Variants in PRKG1 observed in about 807,000 individuals in gnomAD.
The protein encoded by PRKG1 is protein kinase cGMP-dependent 1.
A neutral mutation model predicts 88.1 loss-of-function variants in PRKG1; 35 were observed. The observed-to-expected ratio is 0.40, with a 90% CI of 0.30 to 0.53. The LOEUF (loss-of-function observed/expected upper bound fraction) is 0.53. PRKG1 is among the 20% of genes least tolerant of loss of function. PRKG1 has a pLI of 0.59. For synonymous variants in PRKG1, 303 were observed against 292.5 expected (o/e 1.04, Z -0.37); for missense variants, 540 against 839.8 (o/e 0.64, Z 4.41).
chr10:51,639,247 A>T (rs1839732888), intron 3 of PRKG1, among the ~76,000 whole-genome samples: 2 of 151,872 alleles, frequency 1.3e-5, no homozygotes, highest in Admixed American at 1.3e-4. Flanking sequence ...ATCCTGGCTA[A>T]CACGGTGAAA....
At chr10:52,287,749 G>A (rs1842153318) in intron 14 of PRKG1, among the ~76,000 whole-genome samples, 1 of 151,740 alleles carries the variant, frequency 6.6e-6, no homozygotes, top group Non-Finnish European at 1.5e-5. Flanking sequence ...TGAGGGCTGG[G>A]GTATTACATC....
intron 3 of PRKG1, among the ~76,000 whole-genome samples, chr10:51,594,153 A>C (rs1838382016): frequency 6.6e-6 from 1 of 152,084 alleles, no homozygotes; most frequent in Non-Finnish European, 1.5e-5. Flanking sequence ...CCTCCCAAGG[A>C]GGTAGGACTA....
chr10:51,732,244 A>G (rs995050937), intron 3 of PRKG1, among the ~76,000 whole-genome samples: 1 of 151,926 alleles, frequency 6.6e-6, no homozygotes, highest in African/African-American at 2.4e-5. Flanking sequence ...TTTTCTTATA[A>G]AGACATCAAT....
At chr10:52,264,578 A>G (rs1227806940) in intron 10 of PRKG1, among the ~76,000 whole-genome samples, 1 of 152,148 alleles carries the variant, frequency 6.6e-6, no homozygotes, top group Non-Finnish European at 1.5e-5. Context: ...AAAGAGAGCC[A>G]AAACTAAAAA....
chr10:51,774,858 G>A (rs1489961812), intron 3 of PRKG1, among the ~76,000 whole-genome samples: 1 of 152,036 alleles, frequency 6.6e-6, no homozygotes, highest in African/African-American at 2.4e-5. Context: ...ATAAATTAAT[G>A]TGCAAATGGA....
intron 3 of PRKG1, among the ~76,000 whole-genome samples, chr10:51,691,977 G>T (rs1452223178): frequency 6.6e-6 from 1 of 152,058 alleles, no homozygotes; most frequent in Non-Finnish European, 1.5e-5. Flanking sequence ...AATAGATGAG[G>T]ATCTTTTCCT....
Position 51,219,552 on chromosome 10 carries a change from A to G in PRKG1, c.478+66222A>G, listed in dbSNP as rs1218330901. Among the ~76,000 whole-genome samples, 5 of 151,974 alleles carry G rather than the reference A, an allele frequency of 3.3e-5. No homozygotes were observed. In the East Asian group the frequency reaches 9.7e-4, roughly 30 times the overall value. ...GTGAAACCCCGTCTCTACTAAAAAT[A>G]CAAAAAAATTACCCGGGTGTGGTGG... On this transcript the variant is annotated intron_variant, in intron 2 of 17. Transcript: ENST00000373980.
At chr10:51,428,921 G>GCACCACAA (rs1838677292) in intron 2 of PRKG1, among the ~76,000 whole-genome samples, 3 of 152,206 alleles carry the variant, frequency 2.0e-5, no homozygotes, top group Non-Finnish European at 4.4e-5. Flanking sequence ...GACAGCCATT[G>GCACCACAA]TGTGCATTGA....
chr10:51,426,633 A>G (rs566188783), intron 2 of PRKG1, among the ~76,000 whole-genome samples: 2 of 152,306 alleles, frequency 1.3e-5, no homozygotes, highest in East Asian at 3.9e-4. Flanking sequence ...GTAGACAAAA[A>G]TAGATGCAGA....
intron 3 of PRKG1, among the ~76,000 whole-genome samples, chr10:51,717,620 A>G (rs1056996373): frequency 6.6e-6 from 1 of 152,108 alleles, no homozygotes; most frequent in African/African-American, 2.4e-5. Flanking sequence ...TCACAAGGTC[A>G]GGAGATTGAG....
At chr10:52,171,928 G>A (rs957713454) in intron 9 of PRKG1, among the ~76,000 whole-genome samples, 7 of 147,750 alleles carry the variant, frequency 4.7e-5, no homozygotes, top group Non-Finnish European at 8.9e-5. Flanking sequence ...TCAGCCTCCC[G>A]AGTAGCTGGG....
chr10:51,085,630 C>T (rs369624391), intron 1 of PRKG1, among the ~76,000 whole-genome samples: 9 of 151,246 alleles, frequency 6.0e-5, no homozygotes, highest in Admixed American at 2.0e-4. Context: ...GCTGGGAGAT[C>T]GATTCAGTGA....
intron 5 of PRKG1, among the ~76,000 whole-genome samples, chr10:51,987,474 T>TC (rs1554864567): frequency 2.6e-5 from 4 of 150,950 alleles, no homozygotes; most frequent in Middle Eastern, 3.4e-3. Context: ...TTTTTTTTTT[T>TC]CTGAAACTTA....
intron 3 of PRKG1, among the ~76,000 whole-genome samples, chr10:51,565,040 T>C (rs745559949): frequency 6.6e-6 from 1 of 152,082 alleles, no homozygotes; most frequent in African/African-American, 2.4e-5. Context: ...TCATTTGTCC[T>C]ATTGCCAGCT....
At chr10:51,002,315 G>T (rs912262102) in intron 1 of PRKG1, among the ~76,000 whole-genome samples, 1 of 152,100 alleles carries the variant, frequency 6.6e-6, no homozygotes, top group Non-Finnish European at 1.5e-5. Context: ...ATAATAGGTT[G>T]CTTGATCTCC....
chr10:51,278,421 T>C (rs1009458282), intron 2 of PRKG1, among the ~76,000 whole-genome samples: 16 of 152,290 alleles, frequency 1.1e-4, no homozygotes, highest in African/African-American at 3.9e-4. Flanking sequence ...TTCTCTTTTT[T>C]TGTTGTGTCT....
chr10:51,414,439 T>A lies in PRKG1; in HGVS notation c.479-53284T>A, dbSNP rs181376066. Among the ~76,000 whole-genome samples, 399 of 152,326 alleles carry A rather than the reference T, an allele frequency of 2.6e-3. 1 individual carries two copies. Among genetic ancestry groups the A allele is most frequent in the Middle Eastern group, 0.017 (5 of 294 alleles). On this transcript the variant is annotated intron_variant, in intron 2 of 17. Transcript: ENST00000373980. ...GTACAGTTAATATTTCAGGCTTAAC[T>A]TTTTTGTCATCTGAGACATTCTGAG... is the stretch of plus-strand genomic sequence containing the variant.
intron 3 of PRKG1, among the ~76,000 whole-genome samples, chr10:51,560,625 A>G (rs967706479): frequency 8.5e-5 from 13 of 152,122 alleles, no homozygotes; most frequent in African/African-American, 2.9e-4. Context: ...AATGACAAAT[A>G]TTGATACATT....
chr10:52,045,806 C>A (rs1845850243), intron 5 of PRKG1, among the ~76,000 whole-genome samples: 1 of 151,842 alleles, frequency 6.6e-6, no homozygotes, highest in Non-Finnish European at 1.5e-5. Context: ...TGGAGGGACA[C>A]ACTTCATTGA....
Sources: gnomAD v4.1 joint callset for allele counts (sites outside exome capture counted in the v4.1 genomes callset) on GRCh38, gnomAD v4.1.1 for gene constraint, MANE v1.5 for transcripts, NCBI Gene and HGNC (gene_info 2026-07-23, HGNC 2026-07-21) for gene names.